The following SH3RF3 variants were observed in gnomAD, a reference collection of about 807,000 sequenced individuals.
SH3RF3 encodes the protein E3 ubiquitin-protein ligase SH3RF3.
SH3RF3 carries 29 observed loss-of-function variants against 66.3 expected under a neutral mutation model. That is an observed-to-expected ratio of 0.44 (90% CI 0.33 to 0.60). The LOEUF (loss-of-function observed/expected upper bound fraction) is 0.60. SH3RF3 is among the 20% of genes least tolerant of loss of function. The probability of loss-of-function intolerance (pLI) is 0.04; values close to 1 mark genes in which losing one functional copy is unlikely to be tolerated. For synonymous variants in SH3RF3, 583 were observed against 532.0 expected (o/e 1.10, Z -1.32); for missense variants, 1,194 against 1,190.9 (o/e 1.00, Z -0.04).
intron 3 of SH3RF3, among the ~76,000 whole-genome samples, chr2:109,378,240 G>T (rs1356137943): frequency 6.6e-6 from 1 of 152,220 alleles, no homozygotes; most frequent in Non-Finnish European, 1.5e-5. Context: ...GGGTCAGGGA[G>T]CTGGCTCATA....
intron 1 of SH3RF3, among the ~76,000 whole-genome samples, chr2:109,194,284 T>C (rs1397947162): frequency 2.0e-5 from 3 of 152,202 alleles, no homozygotes; most frequent in African/African-American, 7.2e-5. Flanking sequence ...ATGCCGGTCT[T>C]GTGTTTCTTA....
At chr2:109,142,847 C>T (rs3749061) in intron 1 of SH3RF3, among the ~76,000 whole-genome samples, 62,886 of 151,980 alleles carry the variant, frequency 0.41, 14,760 homozygotes, top group Non-Finnish European at 0.54. Context: ...GACGTTTTCA[C>T]TCTCTAAACT....
chr2:109,402,342 A>G (rs1573223349), intron 4 of SH3RF3, among the ~76,000 whole-genome samples: 1 of 152,244 alleles, frequency 6.6e-6, no homozygotes, highest in Admixed American at 6.5e-5. Flanking sequence ...CATGCTGGCC[A>G]CAGCCCAGGA....
At chr2:109,315,963 C>A (rs2105443104) in intron 1 of SH3RF3, among the ~76,000 whole-genome samples, 1 of 152,256 alleles carries the variant, frequency 6.6e-6, no homozygotes, top group South Asian at 2.1e-4. Flanking sequence ...GATGCATTAG[C>A]AGAAGTCTTT....
At chr2:109,486,370 G>A (rs1678977369) in intron 8 of SH3RF3, among the ~76,000 whole-genome samples, 1 of 152,194 alleles carries the variant, frequency 6.6e-6, no homozygotes, top group South Asian at 2.1e-4. Context: ...GACCCTCAGT[G>A]GTTCGGGTGC....
rs114212186 is a variant in SH3RF3 at position 109,150,499 on chromosome 2, A to G, written c.573+20386A>G. On this transcript the variant is annotated intron_variant, in intron 1 of 9. Coordinates refer to ENST00000309415, the MANE Select transcript of SH3RF3 (RefSeq NM_001099289.3). ...TTTTTTTACAAAAACGAGGAATTCA[A>G]CTTATTAATTCACTTAGTCTGTTTA... Among the ~76,000 whole-genome samples, 913 of 152,374 alleles carry G rather than the reference A, an allele frequency of 6.0e-3. 8 individuals are homozygous for G. The highest frequency in any genetic ancestry group is 0.021 in the African/African-American group (870 of 41,584).
At chr2:109,283,147 A>G (rs551441586) in intron 1 of SH3RF3, among the ~76,000 whole-genome samples, 90 of 152,304 alleles carry the variant, frequency 5.9e-4, no homozygotes, top group Admixed American at 2.5e-3. Flanking sequence ...TGCCCAGGGT[A>G]CAGCCCAGAA....
intron 1 of SH3RF3, among the ~76,000 whole-genome samples, chr2:109,202,101 G>T (rs943728923): frequency 2.6e-5 from 4 of 152,212 alleles, no homozygotes; most frequent in African/African-American, 9.6e-5. Flanking sequence ...CCCTCGAGGC[G>T]ATCTCGGCCA....
chr2:109,421,092 C>T (rs981721719), intron 5 of SH3RF3, among the ~76,000 whole-genome samples: 1 of 152,194 alleles, frequency 6.6e-6, no homozygotes, highest in Non-Finnish European at 1.5e-5. Flanking sequence ...TCAGGCAAAG[C>T]TGGTGCCAAG....
chr2:109,446,036 C>G (rs1461327285), intron 7 of SH3RF3, among the ~76,000 whole-genome samples: 1 of 152,174 alleles, frequency 6.6e-6, no homozygotes, highest in South Asian at 2.1e-4. Context: ...CAGCCTTCAT[C>G]TGTCAGCTTG....
chr2:109,362,121 C>CT (rs749770391), intron 2 of SH3RF3, among the ~76,000 whole-genome samples: 16 of 151,786 alleles, frequency 1.1e-4, no homozygotes, highest in Admixed American at 9.2e-4. Flanking sequence ...TTAATTTGCT[C>CT]TTTTTTTCCT....
intron 5 of SH3RF3, among the ~76,000 whole-genome samples, chr2:109,428,469 C>G (rs1046160458): frequency 6.6e-6 from 1 of 152,242 alleles, no homozygotes; most frequent in East Asian, 1.9e-4. Context: ...GTCGGCCCAG[C>G]CGCCAGCCTA....
intron 1 of SH3RF3, among the ~76,000 whole-genome samples, chr2:109,301,202 C>G (rs1412382630): frequency 6.6e-6 from 1 of 152,134 alleles, no homozygotes; most frequent in African/African-American, 2.4e-5. Context: ...GGTTCCTCTG[C>G]GCAGGCTGAT....
intron 1 of SH3RF3, among the ~76,000 whole-genome samples, chr2:109,243,850 G>C (rs1276439474): frequency 6.6e-6 from 1 of 152,150 alleles, no homozygotes; most frequent in Non-Finnish European, 1.5e-5. Flanking sequence ...TACGTGATCT[G>C]GTTTGCTTTA....
chr2:109,129,473 C>T lies in SH3RF3; in HGVS notation c.-68C>T, dbSNP rs1367274. The T allele has an allele frequency of 6.7e-7, 1 of 1,493,098 alleles. No homozygotes were observed. Among genetic ancestry groups the T allele is most frequent in the Non-Finnish European group, 8.9e-7 (1 of 1,127,218 alleles). The allele number at this position is 1,493,098 out of a possible 1,614,324, so 92.5% of individuals were successfully genotyped here. On this transcript the variant is annotated 5_prime_UTR_variant, in exon 1 of 10. Coordinates refer to ENST00000309415, the MANE Select transcript of SH3RF3 (RefSeq NM_001099289.3). ...GCTCCCCAGTCCTGATGCTGGCTGC[C>T]GGTGGCGGGCTCCACGCCGGCCCCG...
At chr2:109,216,915 G>A (rs1030240237) in intron 1 of SH3RF3, among the ~76,000 whole-genome samples, 3 of 152,058 alleles carry the variant, frequency 2.0e-5, no homozygotes, top group East Asian at 1.9e-4. Context: ...TTCCCAAACC[G>A]AAATTCTGTC....
At chr2:109,358,505 C>T (rs937866014) in intron 2 of SH3RF3, among the ~76,000 whole-genome samples, 3 of 152,200 alleles carry the variant, frequency 2.0e-5, no homozygotes, top group African/African-American at 4.8e-5. Flanking sequence ...GGCCATTTTG[C>T]ATTTCTGCCA....
At chr2:109,153,444 G>T (rs1677267366) in intron 1 of SH3RF3, among the ~76,000 whole-genome samples, 1 of 152,188 alleles carries the variant, frequency 6.6e-6, no homozygotes, top group African/African-American at 2.4e-5. Flanking sequence ...TGCTGAGAAA[G>T]AAGTAACGAA....
chr2:109,140,123 C>T (rs1553474754), intron 1 of SH3RF3, among the ~76,000 whole-genome samples: 1 of 152,156 alleles, frequency 6.6e-6, no homozygotes, highest in Non-Finnish European at 1.5e-5. Flanking sequence ...TCCCTCTGTC[C>T]ACCGTCCCCT....
Sources: allele counts gnomAD v4.1 joint callset (sites outside exome capture counted in the v4.1 genomes callset), GRCh38; gene constraint gnomAD v4.1.1; transcripts MANE v1.5; gene names NCBI Gene and HGNC (gene_info 2026-07-23, HGNC 2026-07-21).